Variants in SERPINB10 observed in about 807,000 individuals in gnomAD.
SERPINB10 encodes serpin family B member 10, also known as serpin B10.
A neutral mutation model predicts 39.1 loss-of-function variants in SERPINB10; 35 were observed. The observed-to-expected ratio is 0.90, with a 90% CI of 0.68 to 1.19. SERPINB10 has a LOEUF of 1.19. Ranked by LOEUF, SERPINB10 falls within the 50% of genes most tolerant of loss-of-function variation. SERPINB10 has a pLI of 0.00. For missense variants in SERPINB10, 546 were observed against 460.5 expected (o/e 1.19, Z -1.70); for synonymous variants, 190 against 158.1 (o/e 1.20, Z -1.52).
At chr18:63,917,291 T>C (rs1000789083) in intron 2 of SERPINB10, among the ~76,000 whole-genome samples, 165 bp from the exon 3 acceptor site, 2 of 152,090 alleles carry the variant, frequency 1.3e-5, no homozygotes, top group African/African-American at 4.8e-5. Context: ...AGAGCAGTTC[T>C]TGACTTATTT....
At chr18:63,920,794 A>G (rs2050141215) in intron 5 of SERPINB10, among the ~76,000 whole-genome samples, 1 of 151,952 alleles carries the variant, frequency 6.6e-6, no homozygotes, top group Admixed American at 6.6e-5. Flanking sequence ...AGTCAATTCC[A>G]GTCACCATAC....
At position 63,935,463 on chromosome 18, in the gene SERPINB10, C is replaced by G; in HGVS notation, c.*221C>G. 2.1e-6 allele frequency: 1 copy of G among 467,404 alleles called. No individual in the cohort carries two copies. The highest frequency in any genetic ancestry group is 3.8e-5 in the Admixed American group (1 of 25,992). The allele number at this position is 467,404 out of a possible 1,614,324, so 29.0% of individuals were successfully genotyped here. ...TATTTTTAACACGTTAACATTTTGTCTAATGTGACTTTCATTTACATTTCA... is the reference window on the plus strand; with the variant it reads ...TATTTTTAACACGTTAACATTTTGTGTAATGTGACTTTCATTTACATTTCA... On this transcript the variant is annotated 3_prime_UTR_variant, in exon 8 of 8. Coordinates refer to ENST00000238508, the MANE Select transcript of SERPINB10 (RefSeq NM_005024.3).
intron 2 of SERPINB10, 96 bp from the exon 3 acceptor site, chr18:63,917,360 A>G (rs1599078635): frequency 3.1e-6 from 2 of 646,258 alleles, no homozygotes; most frequent in South Asian, 2.9e-5. Flanking sequence ...ATGTTCTGCA[A>G]TTATAGGAAT....
Position 63,908,024 on chromosome 18 carries a change from C to T in SERPINB10, c.-26C>T, listed in dbSNP as rs1257393173. 1 of 342,854 alleles carries T rather than the reference C, an allele frequency of 2.9e-6. No homozygotes were observed. The highest frequency in any genetic ancestry group is 4.1e-5 in the Admixed American group (1 of 24,610). The allele number at this position is 342,854 out of a possible 1,614,324, so 21.2% of individuals were successfully genotyped here. A position where few individuals can be genotyped will look rare whatever the true frequency, so the allele number is the denominator to read the frequency against. ...CAGGAGCAAATTGCCAATTCTGCTC[C>T]AGTGGGAGAAAACAAGGTATTGTAA... On this transcript the variant is annotated 5_prime_UTR_variant, in exon 1 of 8. Transcript: ENST00000238508.
chr18:63,934,586 A>G (rs2144742534), intron 7 of SERPINB10, among the ~76,000 whole-genome samples: 1 of 152,322 alleles, frequency 6.6e-6, no homozygotes. Flanking sequence ...CTTGCATACT[A>G]TAGCAGAAGT....
intron 6 of SERPINB10, among the ~76,000 whole-genome samples, chr18:63,931,632 A>T (rs1413144435): frequency 1.3e-5 from 2 of 152,172 alleles, no homozygotes; most frequent in African/African-American, 4.8e-5. Flanking sequence ...AGGTTTACAG[A>T]AAAAATTGTG....
intron 5 of SERPINB10, among the ~76,000 whole-genome samples, chr18:63,926,913 G>A (rs529262511): frequency 1.3e-5 from 2 of 152,026 alleles, no homozygotes; most frequent in African/African-American, 2.4e-5. Context: ...TCACTAGGAT[G>A]TAATTATATC....
At position 63,919,989 on chromosome 18, in the gene SERPINB10, T is replaced by C. The variant is rs2050135511; in HGVS notation, c.490+84T>C. On this transcript the variant is annotated intron_variant, in intron 5 of 7. Transcript: ENST00000238508. ...TTAGTTTGTGTCATATGTAAGTATG[T>C]ATACTCCTTAAATAGAAGTGTGGAC... 7 of 738,572 alleles carry C rather than the reference T, an allele frequency of 9.5e-6. 1 individual carries two copies. In the South Asian group the frequency reaches 1.2e-4, roughly 13 times the overall value. The allele number at this position is 738,572 out of a possible 1,614,324, so 45.8% of individuals were successfully genotyped here.
At chr18:63,909,004 C>A (rs1335304075) in intron 1 of SERPINB10, among the ~76,000 whole-genome samples, 8 of 152,058 alleles carry the variant, frequency 5.3e-5, no homozygotes, top group Non-Finnish European at 1.0e-4. Flanking sequence ...GCTCAATCAA[C>A]CTCTCTCAGC....
At chr18:63,934,734 T>C in intron 7 of SERPINB10, 104 bp from the exon 8 acceptor site, 1 of 1,144,958 alleles carries the variant, frequency 8.7e-7, no homozygotes, top group Non-Finnish European at 1.2e-6. Flanking sequence ...GTAACGGGAG[T>C]GATCATAATT....
intron 1 of SERPINB10, among the ~76,000 whole-genome samples, chr18:63,910,102 T>C (rs1460683552): frequency 6.6e-6 from 1 of 151,918 alleles, no homozygotes; most frequent in African/African-American, 2.4e-5. Flanking sequence ...CTCCAAGTTA[T>C]GATGAAACCA....
In SERPINB10 at chr18:63,935,443, T is replaced by C; in HGVS notation, c.*201T>C. 4.0e-6 allele frequency: 2 copies of C among 504,648 alleles called. No individual in the cohort carries two copies. Among genetic ancestry groups the C allele is most frequent in the African/African-American group, 3.9e-5 (2 of 51,234 alleles). 31.3% of individuals were successfully genotyped at this position (504,648 alleles called of 1,614,324 possible). A position where few individuals can be genotyped will look rare whatever the true frequency, so the allele number is the denominator to read the frequency against. On this transcript the variant is annotated 3_prime_UTR_variant, in exon 8 of 8. Transcript: ENST00000238508. The stretch of plus-strand genomic sequence containing the variant: ...CTGGAGAGAATGACGATTTTTATTT[T>C]TAACACGTTAACATTTTGTCTAATG...
rs1001683630 is a variant in SERPINB10, at chr18:63,930,089, A to G, written c.535A>G (p.Thr179Ala). Reference sequence around the variant, plus strand: ...GCCTGATGACTCTGTGGATTCCACAACCAGGATGATTCTGGTGAACGCCCT... The same window carrying G: ...GCCTGATGACTCTGTGGATTCCACAGCCAGGATGATTCTGGTGAACGCCCT... ...LLPDDSVDST[T>A]RMILVNALYF... The change falls in exon 6 of 8, where the codon ACC (threonine) becomes GCC (alanine). Residue 179 changes from threonine to alanine, a missense_variant. Transcript: ENST00000238508. The G allele has an allele frequency of 9.3e-6, 15 of 1,613,566 alleles. No homozygotes were observed. The Admixed American group carries it at 1.0e-4, about 11-fold the overall frequency.
At chr18:63,916,744 T>C (rs1366021070) in intron 2 of SERPINB10, among the ~76,000 whole-genome samples, 1 of 152,100 alleles carries the variant, frequency 6.6e-6, no homozygotes, top group Non-Finnish European at 1.5e-5. Flanking sequence ...TTAACACTTT[T>C]AGTTGCAAAT....
chr18:63,927,092 C>T (rs1375981743), intron 5 of SERPINB10, among the ~76,000 whole-genome samples: 3 of 151,866 alleles, frequency 2.0e-5, no homozygotes, highest in Admixed American at 6.6e-5. Context: ...TATAATATCT[C>T]ATCTAATTTT....
In SERPINB10 at chr18:63,930,287, C is replaced by CTATG. The variant is rs1286198585; in HGVS notation, c.633+101_633+104dup. 4.8e-5 allele frequency: 64 copies of CTATG among 1,322,936 alleles called. 1 individual carries two copies. Among genetic ancestry groups the CTATG allele is most frequent in the South Asian group, 2.7e-4 (20 of 74,484 alleles). The allele number at this position is 1,322,936 out of a possible 1,614,324, so 81.9% of individuals were successfully genotyped here. ...CTTTTAGATTGTATGTTCTAGTGAACTATGGCTCTTACCAGGGAAGTGATG... is the reference window on the plus strand; with the variant it reads ...CTTTTAGATTGTATGTTCTAGTGAACTATGTATGGCTCTTACCAGGGAAGTGATG... On this transcript the variant is annotated intron_variant, in intron 6 of 7. Coordinates refer to ENST00000238508, the MANE Select transcript of SERPINB10 (RefSeq NM_005024.3).
chr18:63,909,950 A>C (rs902221682), intron 1 of SERPINB10, among the ~76,000 whole-genome samples: 1 of 152,020 alleles, frequency 6.6e-6, no homozygotes, highest in African/African-American at 2.4e-5. Context: ...TTTTCTATTT[A>C]ATCAAATAAT....
At chr18:63,930,005 T>G in intron 5 of SERPINB10, 40 bp from the exon 6 acceptor site, 1 of 1,603,584 alleles carries the variant, frequency 6.2e-7, no homozygotes, top group Non-Finnish European at 8.5e-7. Flanking sequence ...AATATACATA[T>G]TTCTACAAGT....
At chr18:63,924,536 G>A (rs2050167599) in intron 5 of SERPINB10, among the ~76,000 whole-genome samples, 1 of 151,962 alleles carries the variant, frequency 6.6e-6, no homozygotes, top group East Asian at 1.9e-4. Flanking sequence ...ATATCTTGGA[G>A]TGAGGTTCAA....
Sources: gnomAD v4.1 joint callset for allele counts (sites outside exome capture counted in the v4.1 genomes callset) on GRCh38, gnomAD v4.1.1 for gene constraint, MANE v1.5 for transcripts, NCBI Gene and HGNC (gene_info 2026-07-23, HGNC 2026-07-21) for gene names.